Variants in EDIL3 observed in about 807,000 individuals in gnomAD.
EDIL3 encodes EGF-like repeat and discoidin I-like domain-containing protein 3.
In EDIL3, 37 loss-of-function variants were observed where a neutral mutation model predicts 67.4. The observed-to-expected ratio is 0.55, with a 90% CI of 0.42 to 0.72. EDIL3 has a LOEUF of 0.72. EDIL3 is among the 30% of genes least tolerant of loss of function. The pLI is 0.00. For missense variants in EDIL3, 527 were observed against 586.3 expected, an observed-to-expected ratio of 0.90 and a Z score of 1.04; for synonymous variants, 195 against 196.3, an observed-to-expected ratio of 0.99 and a Z score of 0.05.
At chr5:83,974,104 C>A (rs1470931119) in intron 9 of EDIL3, among the ~76,000 whole-genome samples, 1 of 151,798 alleles carries the variant, frequency 6.6e-6, no homozygotes, top group Non-Finnish European at 1.5e-5. Context: ...TTTCATCAGA[C>A]CATGTGAGCC....
intron 10 of EDIL3, among the ~76,000 whole-genome samples, chr5:83,960,076 T>A (rs1026044345): frequency 1.3e-5 from 2 of 151,024 alleles, no homozygotes; most frequent in Non-Finnish European, 3.0e-5. Context: ...TTGGTGTCAG[T>A]TGTCTTCTTC....
intron 4 of EDIL3, among the ~76,000 whole-genome samples, chr5:84,142,395 A>G (rs1341339544): frequency 6.6e-6 from 1 of 152,018 alleles, no homozygotes; most frequent in African/African-American, 2.4e-5. Context: ...GGAGACTTTT[A>G]AAACTAATTA....
intron 9 of EDIL3, among the ~76,000 whole-genome samples, chr5:84,010,109 A>G (rs1177487275): frequency 2.0e-5 from 3 of 152,194 alleles, no homozygotes; most frequent in Non-Finnish European, 2.9e-5. Context: ...ACAGTAAAGT[A>G]CCACCTCCTA....
chr5:84,250,519 T>C (rs1272709520), intron 2 of EDIL3, among the ~76,000 whole-genome samples: 8 of 152,234 alleles, frequency 5.3e-5, no homozygotes, highest in Admixed American at 1.3e-4. Flanking sequence ...TCTGACATTA[T>C]ATGCTTTGTG....
At chr5:84,120,980 G>A (rs1747765649) in intron 5 of EDIL3, among the ~76,000 whole-genome samples, 1 of 151,976 alleles carries the variant, frequency 6.6e-6, no homozygotes, top group Non-Finnish European at 1.5e-5. Flanking sequence ...ATGCCAATGG[G>A]TAACAGTGAC....
chr5:84,115,430 G>A (rs1215738929), intron 5 of EDIL3, among the ~76,000 whole-genome samples: 2 of 152,034 alleles, frequency 1.3e-5, no homozygotes, highest in African/African-American at 2.4e-5. Flanking sequence ...AATAAAAATT[G>A]TCTATTAATA....
chr5:84,190,545 A>ATGTG (rs1361092036), intron 3 of EDIL3, among the ~76,000 whole-genome samples: 20 of 56,616 alleles, frequency 3.5e-4, no homozygotes, highest in African/African-American at 1.1e-3. Flanking sequence ...ACATATATAT[A>ATGTG]TATATATGTG....
At chr5:84,006,048 A>T (rs993292554) in intron 9 of EDIL3, among the ~76,000 whole-genome samples, 1 of 150,878 alleles carries the variant, frequency 6.6e-6, no homozygotes, top group Admixed American at 6.6e-5. Context: ...TGAAAGTCAG[A>T]TCAAGAATAT....
At chr5:83,973,127 C>G (rs1398351592) in intron 9 of EDIL3, among the ~76,000 whole-genome samples, 1 of 152,024 alleles carries the variant, frequency 6.6e-6, no homozygotes, top group Admixed American at 6.6e-5. Flanking sequence ...TAAAATCACC[C>G]TGGGTGAGCA....
At chr5:84,315,869 A>C (rs1181552999) in intron 1 of EDIL3, among the ~76,000 whole-genome samples, 3 of 152,172 alleles carry the variant, frequency 2.0e-5, no homozygotes, top group African/African-American at 7.2e-5. Context: ...AGAAAGGTCA[A>C]GTTACCCACA....
At chr5:84,357,143 T>C (rs1747504958) in intron 1 of EDIL3, among the ~76,000 whole-genome samples, 1 of 152,000 alleles carries the variant, frequency 6.6e-6, no homozygotes, top group South Asian at 2.1e-4. Context: ...CAGGCTAGTG[T>C]TGAACACCTG....
chr5:84,155,754 T>A (rs61715), intron 4 of EDIL3, among the ~76,000 whole-genome samples: 60,973 of 152,074 alleles, frequency 0.4, 12,699 homozygotes, highest in East Asian at 0.74. Context: ...TTGTTTTATG[T>A]ATATCATATT....
intron 1 of EDIL3, among the ~76,000 whole-genome samples, chr5:84,327,892 C>T (rs1437591484): frequency 6.6e-6 from 1 of 151,994 alleles, no homozygotes; most frequent in Non-Finnish European, 1.5e-5. Flanking sequence ...TCCTTCGCCC[C>T]TTGAGAGAAC....
chr5:84,234,513 T>A (rs1744642476), intron 2 of EDIL3, among the ~76,000 whole-genome samples: 1 of 152,166 alleles, frequency 6.6e-6, no homozygotes. Flanking sequence ...TTAGACAGAT[T>A]CCAGTCTCTT....
At chr5:84,183,327 G>A (rs1196013443) in intron 3 of EDIL3, among the ~76,000 whole-genome samples, 3 of 152,028 alleles carry the variant, frequency 2.0e-5, no homozygotes, top group Non-Finnish European at 4.4e-5. Context: ...TCAACTAACT[G>A]GGGAGGGGAG....
At chr5:84,033,312 G>T (rs1013037996) in intron 9 of EDIL3, among the ~76,000 whole-genome samples, 1 of 152,126 alleles carries the variant, frequency 6.6e-6, no homozygotes, top group African/African-American at 2.4e-5. Context: ...GACCACTGAG[G>T]ATTAGTAATT....
intron 5 of EDIL3, among the ~76,000 whole-genome samples, chr5:84,108,583 T>C (rs973883117): frequency 1.3e-5 from 2 of 152,186 alleles, no homozygotes; most frequent in Non-Finnish European, 2.9e-5. Context: ...ACGTTAAAAG[T>C]TCAGATATTA....
intron 6 of EDIL3, among the ~76,000 whole-genome samples, chr5:84,091,228 G>A (rs565118657): frequency 1.3e-5 from 2 of 152,212 alleles, no homozygotes; most frequent in East Asian, 3.9e-4. Context: ...AGCTTTCTGT[G>A]CCTAGATTTC....
At chr5:84,075,439 GC>G (rs1450737679) in intron 6 of EDIL3, among the ~76,000 whole-genome samples, 1 of 152,008 alleles carries the variant, frequency 6.6e-6, no homozygotes, top group Non-Finnish European at 1.5e-5. Flanking sequence ...GAAGATATTT[GC>G]AACATCCAAA....
Sources: allele counts gnomAD v4.1 joint callset (sites outside exome capture counted in the v4.1 genomes callset), GRCh38; gene constraint gnomAD v4.1.1; transcripts MANE v1.5; gene names NCBI Gene and HGNC (gene_info 2026-07-23, HGNC 2026-07-21).